The following RAB4B variants were observed in gnomAD, a reference collection of about 807,000 sequenced individuals.
RAB4B encodes ras-related protein Rab-4B.
RAB4B carries 15 observed loss-of-function variants against 28.3 expected under a neutral mutation model. The observed-to-expected ratio is 0.53, with a 90% CI of 0.35 to 0.82. The LOEUF (loss-of-function observed/expected upper bound fraction) is 0.82. RAB4B is among the 40% of genes least tolerant of loss of function. The pLI, the probability that RAB4B is intolerant of heterozygous loss-of-function variation, is 0.01. For synonymous variants in RAB4B, 108 were observed against 116.3 expected, an observed-to-expected ratio of 0.93 and a Z score of 0.46; for missense variants, 244 against 288.5, an observed-to-expected ratio of 0.85 and a Z score of 1.12.
intron 7 of RAB4B, 67 bp downstream of exon 7, chr19:40,787,045 A>G: frequency 1.5e-6 from 2 of 1,303,474 alleles, no homozygotes; most frequent in East Asian, 4.8e-5. Context: ...GTGTGGAGAT[A>G]GACACTGAAC....
chr19:40,783,777 G>A lies in RAB4B; in HGVS notation c.213-1G>A. 6.4e-7 allele frequency: 1 copy of A among 1,565,934 alleles called. No homozygotes were observed. Among genetic ancestry groups the A allele is most frequent in the Non-Finnish European group, 8.7e-7 (1 of 1,153,232 alleles). ...GTGACTGGGTCCCCCTGGCCCCACAGGTCAGTGACGCGGAGTTATTACCGA... is the reference window on the plus strand; with the variant it reads ...GTGACTGGGTCCCCCTGGCCCCACAAGTCAGTGACGCGGAGTTATTACCGA... On this transcript the variant is annotated splice_acceptor_variant, in intron 3 of 7. Transcript: ENST00000357052. LOFTEE classifies it high-confidence loss of function.
At chr19:40,784,109 G>A (rs540728918) in intron 5 of RAB4B, 34 bp downstream of exon 5, 1 of 1,579,070 alleles carries the variant, frequency 6.3e-7, no homozygotes, top group Non-Finnish European at 8.6e-7. Flanking sequence ...GTGGTGGTGG[G>A]GGTGGACAGT....
At chr19:40,784,937 C>T (rs2083084463) in intron 5 of RAB4B, among the ~76,000 whole-genome samples, 1 of 151,418 alleles carries the variant, frequency 6.6e-6, no homozygotes, top group African/African-American at 2.4e-5. Context: ...GCCTCAGCCT[C>T]CCGAGTAGCT....
At chr19:40,791,155 A>G (rs560224494) in intron 7 of RAB4B, among the ~76,000 whole-genome samples, 32 of 151,950 alleles carry the variant, frequency 2.1e-4, no homozygotes, top group African/African-American at 7.7e-4. Context: ...GCGCCCGGCC[A>G]ATTTTTGTAT....
chr19:40,783,692 C>T (rs527380199), intron 3 of RAB4B, 86 bp from the exon 4 acceptor site: 38 of 1,353,302 alleles, frequency 2.8e-5, no homozygotes, highest in Non-Finnish European at 3.5e-5. Context: ...GGGGGGCCTC[C>T]GAACCACCAG....
intron 7 of RAB4B, among the ~76,000 whole-genome samples, chr19:40,792,774 C>A (rs2083170591): frequency 6.6e-6 from 1 of 151,478 alleles, no homozygotes; most frequent in Admixed American, 6.6e-5. Flanking sequence ...AGAATGTTTT[C>A]TTTTTTTTTC....
rs778124475 is a variant in RAB4B, at chr19:40,786,930, C to T, written c.609C>T (p.Ala203=). The change falls in exon 7 of 8, where the codon GCC becomes GCT. Residue 203 remains alanine, a synonymous_variant. Coordinates refer to ENST00000357052, the MANE Select transcript of RAB4B (RefSeq NM_016154.5). ...SLRQLRQPRS[A]QAVAPQPCGC is the part of the protein sequence containing the mutation. ...GCCAGCTTCGGCAGCCTCGGAGTGC[C>T]CAGGCCGTGGCCCCTCAGCCGTGTG... 10 of 1,614,022 alleles carry T rather than the reference C, an allele frequency of 6.2e-6. No homozygotes were observed. Among genetic ancestry groups the T allele is most frequent in the Non-Finnish European group, 7.6e-6 (9 of 1,179,952 alleles).
chr19:40,778,979 C>G (rs888708452), intron 1 of RAB4B: 18 of 985,530 alleles, frequency 1.8e-5, no homozygotes, highest in Non-Finnish European at 2.2e-5. Context: ...AGGGGAAGTG[C>G]AGGTTTAGGA....
At chr19:40,786,523 G>C (rs920013819) in intron 5 of RAB4B, 142 bp from the exon 6 acceptor site, 18 of 1,279,346 alleles carry the variant, frequency 1.4e-5, no homozygotes, top group Non-Finnish European at 1.8e-5. Flanking sequence ...ATTAGTGGCA[G>C]GGAAATGGCA....
chr19:40,793,784 C>T (rs901763260), intron 7 of RAB4B, among the ~76,000 whole-genome samples: 5 of 151,210 alleles, frequency 3.3e-5, no homozygotes, highest in Non-Finnish European at 4.4e-5. Context: ...GTTAGCCAGG[C>T]GTGGTGGTGT....
chr19:40,781,817 C>T (rs925738100), intron 3 of RAB4B, among the ~76,000 whole-genome samples: 4 of 151,958 alleles, frequency 2.6e-5, no homozygotes, highest in African/African-American at 7.2e-5. Context: ...GTCAGGAGAT[C>T]GAGACCATCC....
Position 40,786,873 on chromosome 19 carries a change from C to T in RAB4B, c.552C>T (p.Gly184=), listed in dbSNP as rs906348029. 3 of 1,614,018 alleles carry T rather than the reference C, an allele frequency of 1.9e-6. No individual in the cohort carries two copies. The highest frequency in any genetic ancestry group is 1.3e-5 in the African/African-American group (1 of 74,922). Residue 184 remains glycine (G), a synonymous_variant, in exon 7 of 8, where the codon GGC becomes GGT. Transcript: ENST00000357052. ...GCGAGCTAGACCCGGAGAGGATGGG[C>T]TCTGGCATTCAGTACGGGGATGCGT... ...DSGELDPERM[G]SGIQYGDASL...
chr19:40,795,515 T>G (rs2145070203), intron 7 of RAB4B, among the ~76,000 whole-genome samples: 1 of 152,006 alleles, frequency 6.6e-6, no homozygotes, highest in South Asian at 2.1e-4. Flanking sequence ...TTCTCCTGCC[T>G]CAGCCTCCCA....
In RAB4B at chr19:40,786,760, G is replaced by T. The variant is rs760207054; in HGVS notation, c.526G>T (p.Gly176Cys). The T allele has an allele frequency of 1.2e-6, 2 of 1,614,080 alleles. No homozygotes were observed. Among genetic ancestry groups the T allele is most frequent in the Non-Finnish European group, 1.7e-6 (2 of 1,180,022 alleles). The change falls in exon 6 of 8, where the codon GGC becomes TGC. Residue 176 changes from glycine to cysteine, a missense_variant and splice_region_variant. Transcript: ENST00000357052. The part of the protein sequence containing the change: ...ARTILNKIDS[G>C]ELDPERMGSG... ...CACTATCCTCAACAAGATTGACTCA[G>T]GTGAGGCCCCGACCGGCCCGAGTGG...
At chr19:40,794,160 C>T (rs183786529) in intron 7 of RAB4B, among the ~76,000 whole-genome samples, 42 of 151,534 alleles carry the variant, frequency 2.8e-4, no homozygotes, top group African/African-American at 9.9e-4. Flanking sequence ...CTGAAATCTC[C>T]GCCTCTCAAG....
intron 7 of RAB4B, among the ~76,000 whole-genome samples, chr19:40,795,757 GAGTGCAAT>G (rs2083204297): frequency 6.6e-6 from 1 of 151,174 alleles, no homozygotes; most frequent in African/African-American, 2.4e-5. Context: ...GCCCAGGTTG[GAGTGCAAT>G]AGTGCAATGT....
intron 7 of RAB4B, among the ~76,000 whole-genome samples, chr19:40,789,033 G>T (rs1427818474): frequency 6.6e-6 from 1 of 151,612 alleles, no homozygotes; most frequent in Non-Finnish European, 1.5e-5. Flanking sequence ...GCCCGCCTCG[G>T]CCTCTCAAAG....
chr19:40,793,322 C>T (rs1343116662), intron 7 of RAB4B, among the ~76,000 whole-genome samples: 4 of 151,978 alleles, frequency 2.6e-5, no homozygotes, highest in Non-Finnish European at 4.4e-5. Context: ...GCAGCCTTGA[C>T]CTCCTGGGCT....
At chr19:40,792,256 C>T (rs2083165958) in intron 7 of RAB4B, 1 of 152,236 alleles carries the variant, frequency 6.6e-6, no homozygotes, top group South Asian at 2.1e-4. Context: ...GTTTGCTCAT[C>T]TGTAAAATGA....
Sources: gnomAD v4.1 joint callset for allele counts (sites outside exome capture counted in the v4.1 genomes callset) on GRCh38, gnomAD v4.1.1 for gene constraint, MANE v1.5 for transcripts, NCBI Gene and HGNC (gene_info 2026-07-23, HGNC 2026-07-21) for gene names.